TNFRSF10A: variants seen among roughly 807,000 people sequenced by gnomAD.
The protein encoded by TNFRSF10A is TNF receptor superfamily member 10a.
In TNFRSF10A, 44 loss-of-function variants were observed where a neutral mutation model predicts 42.8. The ratio of observed to expected loss-of-function variants is 1.03; its 90% CI spans 0.81 to 1.32. The LOEUF is 1.32. Ranked by LOEUF, TNFRSF10A falls within the 40% of genes most tolerant of loss-of-function variation. The probability of loss-of-function intolerance (pLI) is 0.00; values close to 1 mark genes in which losing one functional copy is unlikely to be tolerated. For synonymous variants in TNFRSF10A, 259 were observed against 234.2 expected (o/e 1.11, Z -0.97); for missense variants, 680 against 602.0 (o/e 1.13, Z -1.36).
intron 1 of TNFRSF10A, among the ~76,000 whole-genome samples, chr8:23,216,464 C>A (rs1563385752): frequency 6.6e-6 from 1 of 152,136 alleles, no homozygotes; most frequent in Non-Finnish European, 1.5e-5. Context: ...AAACTCCAGG[C>A]CAGGCACGGT....
At chr8:23,224,719 G>T in intron 1 of TNFRSF10A, 37 bp downstream of exon 1, 1 of 1,538,984 alleles carries the variant, frequency 6.5e-7, no homozygotes, top group Non-Finnish European at 8.8e-7. Flanking sequence ...GGTGCCAGGC[G>T]CGCTTTTCCC....
Position 23,200,557 on chromosome 8 carries a change from A to T in TNFRSF10A, c.747T>A (p.Val249=). 1 of 1,614,206 alleles carries T rather than the reference A, an allele frequency of 6.2e-7. No individual in the cohort carries two copies. Among genetic ancestry groups the T allele is most frequent in the Non-Finnish European group, 8.5e-7 (1 of 1,180,014 alleles). ...NIWVILVVTL[V]VPLLLVAVLI... is the part of the protein sequence containing the mutation. ...GCACAGCCACCAACAGCAACGGAAC[A>T]ACCAAAGTCACAACCAAAATCACCC... Residue 249 remains valine, a synonymous_variant, in exon 6 of 10, where the codon GTT becomes GTA. Coordinates refer to ENST00000221132, the MANE Select transcript of TNFRSF10A (RefSeq NM_003844.4).
At chr8:23,199,980 G>T in intron 6 of TNFRSF10A, 63 bp from the exon 7 acceptor site, 1 of 1,603,866 alleles carries the variant, frequency 6.2e-7, no homozygotes, top group Non-Finnish European at 8.5e-7. Context: ...CCTTCTTAGA[G>T]GGCAGTGTTG....
At position 23,191,732 on chromosome 8, in the gene TNFRSF10A, A is replaced by G. The variant is rs781486896; in HGVS notation, c.1369T>C (p.Leu457=). 1 of 1,614,182 alleles carries G rather than the reference A, an allele frequency of 6.2e-7. No individual in the cohort carries two copies. Among genetic ancestry groups the G allele is most frequent in the Admixed American group, 1.7e-5 (1 of 60,012 alleles). ...ACGGCAGAGCCTGTGCCATCTTCTAAGTAGATGAACTTTCCAGAGTCCACC... is the reference window on the plus strand; with the variant it reads ...ACGGCAGAGCCTGTGCCATCTTCTAGGTAGATGAACTTTCCAGAGTCCACC... The part of the protein sequence containing the change: ...LLVDSGKFIY[L]EDGTGSAVSL... Residue 457 remains leucine (L), a synonymous_variant, in exon 10 of 10, where the codon TTA becomes CTA. Transcript: ENST00000221132.
At chr8:23,201,404 C>A (rs1039275082) in intron 4 of TNFRSF10A, among the ~76,000 whole-genome samples, 3 of 152,186 alleles carry the variant, frequency 2.0e-5, no homozygotes, top group Non-Finnish European at 4.4e-5. Flanking sequence ...TTAAAAATTA[C>A]ATTTTATGAC....
At chr8:23,221,356 T>C (rs1377790607) in intron 1 of TNFRSF10A, among the ~76,000 whole-genome samples, 14 of 152,244 alleles carry the variant, frequency 9.2e-5, no homozygotes, top group Non-Finnish European at 5.9e-5. Context: ...CGGCCAACCC[T>C]GGCTGTCTTC....
rs756192321 is a variant in TNFRSF10A, at chr8:23,201,948, T to G, written c.518-29A>C. The G allele has an allele frequency of 6.3e-6, 10 of 1,598,452 alleles. No homozygotes were observed. The African/African-American group carries it at 1.1e-4, about 17-fold the overall frequency. ...ATGACAGAGTACAAGGTTTTGGGAA[T>G]GTGTTTCCCTGACGTGTCCCTTGAC... On this transcript the variant is annotated intron_variant, in intron 3 of 9. Transcript: ENST00000221132.
intron 1 of TNFRSF10A, among the ~76,000 whole-genome samples, chr8:23,219,901 C>T (rs1563387251): frequency 6.6e-6 from 1 of 152,204 alleles, no homozygotes; most frequent in Non-Finnish European, 1.5e-5. Flanking sequence ...GTGGTCATTC[C>T]TAGTTTCTCT....
At chr8:23,214,072 A>G (rs1243007293) in intron 1 of TNFRSF10A, among the ~76,000 whole-genome samples, 1 of 149,714 alleles carries the variant, frequency 6.7e-6, no homozygotes, top group Non-Finnish European at 1.5e-5. Flanking sequence ...GGCCTCCCAC[A>G]ATCTGCCCAC....
intron 2 of TNFRSF10A, chr8:23,207,141 A>C: frequency 1.7e-6 from 1 of 588,650 alleles, no homozygotes; most frequent in East Asian, 4.0e-5. Flanking sequence ...TCCACTGACC[A>C]CTGAGTATGC....
At chr8:23,201,703 G>T (rs1800920213) in intron 4 of TNFRSF10A, 105 bp downstream of exon 4, 2 of 1,064,852 alleles carry the variant, frequency 1.9e-6, no homozygotes, top group South Asian at 2.7e-5. Flanking sequence ...GCACCATGGG[G>T]TCAGGGCTGA....
At chr8:23,205,478 T>A (rs942470184) in intron 2 of TNFRSF10A, among the ~76,000 whole-genome samples, 5 of 152,202 alleles carry the variant, frequency 3.3e-5, no homozygotes, top group African/African-American at 1.2e-4. Context: ...TTTTTGATAC[T>A]ATACATTGTA....
chr8:23,195,615 A>T (rs964462898), intron 9 of TNFRSF10A, among the ~76,000 whole-genome samples: 1 of 152,160 alleles, frequency 6.6e-6, no homozygotes. Context: ...AACTTAGGAG[A>T]GCCTATGTGG....
chr8:23,207,026 A>C (rs1475129524), intron 2 of TNFRSF10A: 1 of 421,952 alleles, frequency 2.4e-6, no homozygotes, highest in East Asian at 5.4e-5. Context: ...TGCCATGAAA[A>C]AAAGAATATC....
intron 2 of TNFRSF10A, among the ~76,000 whole-genome samples, chr8:23,211,376 C>T (rs898778249): frequency 1.1e-4 from 17 of 151,974 alleles, no homozygotes; most frequent in African/African-American, 2.9e-4. Context: ...CTGCAAACTA[C>T]GAAACATTAT....
Position 23,190,742 on chromosome 8 carries a change from T to C in TNFRSF10A, c.*952A>G, listed in dbSNP as rs1439457669. 6.6e-6 allele frequency: 1 copy of C among 152,190 alleles called. No homozygotes were observed. The highest frequency in any genetic ancestry group is 2.4e-5 in the African/African-American group (1 of 41,440). The allele number at this position is 152,190 out of a possible 1,614,324, so 9.4% of individuals were successfully genotyped here. ...TTGGAGGAATTAATGCATCTGATAA[T>C]GGAGGTTGAGAAGTTCCACAACAGG... is the stretch of plus-strand genomic sequence containing the variant. On this transcript the variant is annotated 3_prime_UTR_variant, in exon 10 of 10. Coordinates refer to ENST00000221132, the MANE Select transcript of TNFRSF10A (RefSeq NM_003844.4).
At chr8:23,207,400 T>C in intron 2 of TNFRSF10A, 1 of 530,550 alleles carries the variant, frequency 1.9e-6, no homozygotes. Context: ...TCTAAATACA[T>C]GTATATGTTT....
Position 23,200,498 on chromosome 8 carries a change from C to CA in TNFRSF10A, c.799+6dup. ...GCCCAGAGCCCTTGCCCTCAGCCAG[C>CA]ACCTACCTGAGCCGATGCAACAACA... is the stretch of plus-strand genomic sequence containing the variant. On this transcript the variant is annotated splice_region_variant and intron_variant, in intron 6 of 9. Coordinates refer to ENST00000221132, the MANE Select transcript of TNFRSF10A (RefSeq NM_003844.4). 6.2e-7 allele frequency: 1 copy of CA among 1,614,130 alleles called. No homozygotes were observed. Among genetic ancestry groups the CA allele is most frequent in the Admixed American group, 1.7e-5 (1 of 60,026 alleles).
intron 4 of TNFRSF10A, among the ~76,000 whole-genome samples, chr8:23,201,522 T>G (rs1267509592): frequency 6.6e-6 from 1 of 152,120 alleles, no homozygotes; most frequent in Non-Finnish European, 1.5e-5. Context: ...CCCTAAGTCA[T>G]GGCCTCCTGT....
Sources: allele counts gnomAD v4.1 joint callset (sites outside exome capture counted in the v4.1 genomes callset), GRCh38; gene constraint gnomAD v4.1.1; transcripts MANE v1.5; gene names NCBI Gene and HGNC (gene_info 2026-07-23, HGNC 2026-07-21).